The following EIF4B variants were observed in gnomAD, a reference collection of about 807,000 sequenced individuals.
EIF4B encodes the protein eukaryotic translation initiation factor 4B.
Under a neutral mutation model 79.3 loss-of-function variants are expected in EIF4B, and 8 were observed. That is an observed-to-expected ratio of 0.10 (90% CI 0.06 to 0.18). The LOEUF is 0.18. EIF4B is among the 10% of genes least tolerant of loss of function. The probability of loss-of-function intolerance (pLI) is 1.00; values close to 1 mark genes in which losing one functional copy is unlikely to be tolerated. For missense variants in EIF4B, 515 were observed against 792.4 expected, an observed-to-expected ratio of 0.65 and a Z score of 4.20; for synonymous variants, 238 against 274.7, an observed-to-expected ratio of 0.87 and a Z score of 1.32.
intron 4 of EIF4B, among the ~76,000 whole-genome samples, chr12:53,021,333 A>G (rs1425288935): frequency 6.6e-6 from 1 of 152,192 alleles, no homozygotes; most frequent in Non-Finnish European, 1.5e-5. Flanking sequence ...GTGTCTCGCT[A>G]TATTGCCCAG....
chr12:53,039,288 T>C lies in EIF4B; in HGVS notation c.1627T>C (p.Ser543Pro). The C allele has an allele frequency of 5.6e-6, 9 of 1,611,478 alleles. No homozygotes were observed. The highest frequency in any genetic ancestry group is 7.6e-6 in the Non-Finnish European group (9 of 1,178,510). Residue 543 changes from serine to proline, a missense_variant, in exon 13 of 15, where the codon TCT becomes CCT. Ser to Pro is a moderately conservative substitution (Grantham distance 74). Coordinates refer to ENST00000262056, the MANE Select transcript of EIF4B (RefSeq NM_001417.7). ...TGCCCCAAAAGGCCAAACTGGGAAC[T>C]CTAGCCGTGGTCCAGGCGACGGAGG... ...MNAPKGQTGN[S>P]SRGPGDGGNR...
chr12:53,039,565 A>G (rs1943594894), intron 13 of EIF4B, 65 bp from the exon 14 acceptor site: 4 of 1,580,544 alleles, frequency 2.5e-6, no homozygotes, highest in Non-Finnish European at 3.5e-6. Context: ...AACTGCATGC[A>G]TACACATGTT....
At chr12:53,025,348 G>A in intron 6 of EIF4B, 1 of 432,262 alleles carries the variant, frequency 2.3e-6, no homozygotes, top group South Asian at 1.7e-5. Flanking sequence ...GATAACGAGT[G>A]AGTGTGCTGT....
At chr12:53,006,617 C>T (rs1362369029) in intron 1 of EIF4B, 121 bp downstream of exon 1, 5 of 1,557,914 alleles carry the variant, frequency 3.2e-6, no homozygotes, top group Non-Finnish European at 4.4e-6. Context: ...TTGAGGGCTG[C>T]GGCAGGCTGG....
intron 14 of EIF4B, 165 bp downstream of exon 14, chr12:53,039,867 T>A: frequency 1.2e-6 from 1 of 809,090 alleles, no homozygotes; most frequent in Non-Finnish European, 1.9e-6. Flanking sequence ...TGGTCTTTAC[T>A]GAAATAGCGA....
chr12:53,034,557 A>T lies in EIF4B; in HGVS notation c.1209-55A>T, dbSNP rs1329355914. ...GTTCTTGAGGGGTCAGCATGGGTCT[A>T]AGGTGGCCTTCACTGAGCCAGGCAT... On this transcript the variant is annotated intron_variant, in intron 9 of 14. Coordinates refer to ENST00000262056, the MANE Select transcript of EIF4B (RefSeq NM_001417.7). The T allele has an allele frequency of 1.9e-6, 3 of 1,568,268 alleles. No individual in the cohort carries two copies. The African/African-American group carries it at 4.1e-5, about 21-fold the overall frequency.
intron 8 of EIF4B, among the ~76,000 whole-genome samples, chr12:53,031,413 A>G (rs558886930): frequency 6.6e-6 from 1 of 152,256 alleles, no homozygotes; most frequent in South Asian, 2.1e-4. Context: ...AGTAGCTGGG[A>G]CTAGAGGTGC....
chr12:53,008,158 T>G (rs1942999286), intron 1 of EIF4B, among the ~76,000 whole-genome samples: 1 of 152,252 alleles, frequency 6.6e-6, no homozygotes, highest in African/African-American at 2.4e-5. Context: ...AGTATCGTAA[T>G]TTAGTGAAGA....
At chr12:53,018,505 TA>T (rs934945433) in intron 2 of EIF4B, among the ~76,000 whole-genome samples, 2 of 152,190 alleles carry the variant, frequency 1.3e-5, no homozygotes, top group African/African-American at 2.4e-5. Context: ...ACAGGACTGT[TA>T]AAAAGATAAG....
At chr12:53,011,816 C>T (rs1943069091) in intron 1 of EIF4B, among the ~76,000 whole-genome samples, 1 of 152,136 alleles carries the variant, frequency 6.6e-6, no homozygotes. Flanking sequence ...GTGTTTTCCC[C>T]ACTGTAGACC....
At chr12:53,021,268 A>G (rs1197063960) in intron 4 of EIF4B, among the ~76,000 whole-genome samples, 1 of 152,192 alleles carries the variant, frequency 6.6e-6, no homozygotes, top group African/African-American at 2.4e-5. Flanking sequence ...TTGCTGGTAC[A>G]TAGTAGTAGT....
chr12:53,030,410 A>ATTATTTTTTTTTTTTTTTTTT (rs1555153412), intron 8 of EIF4B, among the ~76,000 whole-genome samples: 1 of 34,256 alleles, frequency 2.9e-5, no homozygotes, highest in Non-Finnish European at 9.3e-5. Flanking sequence ...AAAAAATTAT[A>ATTATTTTTTTTTTTTTTTTTT]TTCTTTTTTT....
Position 53,006,511 on chromosome 12 carries a change from G to C in EIF4B, c.13+15G>C, listed in dbSNP as rs1377546536. 5 of 1,613,424 alleles carry C rather than the reference G, an allele frequency of 3.1e-6. No individual in the cohort carries two copies. The African/African-American group carries it at 4.0e-5, about 13-fold the overall frequency. On this transcript the variant is annotated intron_variant, in intron 1 of 14. Coordinates refer to ENST00000262056, the MANE Select transcript of EIF4B (RefSeq NM_001417.7). The stretch of plus-strand genomic sequence containing the variant: ...GGCGGCCTCAGGTGAGCGAGCAGCC[G>C]AGCGCGGCCAAGGACTGGGCTCTGA...
At chr12:53,019,671 TAA>T (rs1943216116) in intron 3 of EIF4B, among the ~76,000 whole-genome samples, 1 of 91,230 alleles carries the variant, frequency 1.1e-5, no homozygotes, top group Non-Finnish European at 2.5e-5. Context: ...TGGCCTGAAT[TAA>T]TCTTTTTTTT....
chr12:53,006,697 C>T (rs1202013163), intron 1 of EIF4B, among the ~76,000 whole-genome samples: 2 of 151,730 alleles, frequency 1.3e-5, no homozygotes, highest in Admixed American at 1.3e-4. Flanking sequence ...TCCCCTCCCC[C>T]TCACACTCTT....
At chr12:53,016,670 A>G in intron 2 of EIF4B, 60 bp downstream of exon 2, 3 of 1,512,812 alleles carry the variant, frequency 2.0e-6, no homozygotes, top group Non-Finnish European at 1.8e-6. Flanking sequence ...AAAACCTATT[A>G]CATAATAATT....
At chr12:53,013,488 T>C (rs558021449) in intron 1 of EIF4B, 1 of 152,310 alleles carries the variant, frequency 6.6e-6, no homozygotes, top group African/African-American at 2.4e-5. Flanking sequence ...AAATCTCCCA[T>C]AGATCTTTGC....
intron 6 of EIF4B, among the ~76,000 whole-genome samples, chr12:53,024,534 T>C (rs1345899977): frequency 6.6e-6 from 1 of 152,254 alleles, no homozygotes; most frequent in Non-Finnish European, 1.5e-5. Flanking sequence ...TGGCAAAATA[T>C]GACATTCACT....
At chr12:53,019,760 C>T (rs1943218232) in intron 3 of EIF4B, 150 bp from the exon 4 acceptor site, 1 of 625,684 alleles carries the variant, frequency 1.6e-6, no homozygotes, top group Non-Finnish European at 2.8e-6. Context: ...TTCTACTATC[C>T]CTCTGCATCA....
Sources: gnomAD v4.1 joint callset for allele counts (sites outside exome capture counted in the v4.1 genomes callset) on GRCh38, gnomAD v4.1.1 for gene constraint, MANE v1.5 for transcripts, NCBI Gene and HGNC (gene_info 2026-07-23, HGNC 2026-07-21) for gene names.